The following MAGI2 variants were observed in gnomAD, a reference collection of about 807,000 sequenced individuals.
The protein encoded by MAGI2 is membrane associated guanylate kinase, WW and PDZ domain containing 2, also known as membrane-associated guanylate kinase, WW and PDZ domain-containing protein 2.
A neutral mutation model predicts 133.3 loss-of-function variants in MAGI2; 35 were observed. That is an observed-to-expected ratio of 0.26 (90% CI 0.20 to 0.35). The LOEUF is 0.35. Ranked by LOEUF, MAGI2 falls within the 10% of genes least tolerant of loss-of-function variation. The probability of loss-of-function intolerance (pLI) is 1.00; values close to 1 mark genes in which losing one functional copy is unlikely to be tolerated. For synonymous variants in MAGI2, 729 were observed against 710.6 expected, an observed-to-expected ratio of 1.03 and a Z score of -0.41; for missense variants, 1,636 against 1,863.4, an observed-to-expected ratio of 0.88 and a Z score of 2.25.
At chr7:79,203,753 C>T (rs779325707) in intron 1 of MAGI2, among the ~76,000 whole-genome samples, 1 of 152,154 alleles carries the variant, frequency 6.6e-6, no homozygotes, top group Non-Finnish European at 1.5e-5. Context: ...GCCACCAACG[C>T]ACCAATGTAA....
At chr7:79,131,850 C>A (rs954050191) in intron 1 of MAGI2, among the ~76,000 whole-genome samples, 3 of 151,944 alleles carry the variant, frequency 2.0e-5, no homozygotes, top group Admixed American at 2.0e-4. Context: ...CAATGTTTCG[C>A]AAATTTGAAT....
At chr7:78,186,165 A>G (rs1193486644) in intron 12 of MAGI2, among the ~76,000 whole-genome samples, 1 of 152,188 alleles carries the variant, frequency 6.6e-6, no homozygotes, top group Non-Finnish European at 1.5e-5. Flanking sequence ...AGTTGAAATT[A>G]TGTATAAGTA....
intron 2 of MAGI2, among the ~76,000 whole-genome samples, chr7:78,773,434 A>C (rs1825744279): frequency 1.3e-5 from 2 of 152,236 alleles, no homozygotes; most frequent in Admixed American, 1.3e-4. Context: ...AAGTGCTGAC[A>C]GAGGGTAGAA....
At chr7:78,205,932 C>T (rs906358157) in intron 10 of MAGI2, among the ~76,000 whole-genome samples, 7 of 152,162 alleles carry the variant, frequency 4.6e-5, no homozygotes, top group African/African-American at 1.7e-4. Flanking sequence ...ACTGAGGGCA[C>T]CTCATGTGAT....
intron 2 of MAGI2, among the ~76,000 whole-genome samples, chr7:78,892,391 T>C (rs1055853194): frequency 2.6e-5 from 4 of 152,132 alleles, no homozygotes; most frequent in African/African-American, 7.2e-5. Context: ...TTAAAGTTCA[T>C]ATGGAACCAA....
At chr7:78,065,645 G>A (rs948655090) in intron 21 of MAGI2, 27 of 696,350 alleles carry the variant, frequency 3.9e-5, no homozygotes, top group Non-Finnish European at 7.0e-5. Context: ...CACATGGAGA[G>A]ACTGGAAGGT....
At chr7:78,831,713 C>G (rs1238597516) in intron 2 of MAGI2, among the ~76,000 whole-genome samples, 2 of 152,190 alleles carry the variant, frequency 1.3e-5, no homozygotes, top group Non-Finnish European at 2.9e-5. Context: ...TGTTTTAAAA[C>G]ATTCACTTCT....
At chr7:78,718,025 ATTTC>A (rs1312341298) in intron 2 of MAGI2, among the ~76,000 whole-genome samples, 1 of 151,954 alleles carries the variant, frequency 6.6e-6, no homozygotes, top group African/African-American at 2.4e-5. Context: ...TTTTTTCACT[ATTTC>A]TTTATTTAAC....
chr7:78,965,298 A>G (rs1803213330), intron 2 of MAGI2, among the ~76,000 whole-genome samples: 2 of 151,904 alleles, frequency 1.3e-5, no homozygotes, highest in Non-Finnish European at 2.9e-5. Flanking sequence ...CACAAAGACA[A>G]ACGATTAACT....
At chr7:79,236,937 C>G (rs1463931904) in intron 1 of MAGI2, among the ~76,000 whole-genome samples, 3 of 152,076 alleles carry the variant, frequency 2.0e-5, no homozygotes, top group Non-Finnish European at 4.4e-5. Flanking sequence ...CCCAGCTACT[C>G]AGGAGACTGA....
intron 1 of MAGI2, among the ~76,000 whole-genome samples, chr7:79,259,497 G>A (rs938646700): frequency 6.6e-6 from 1 of 152,150 alleles, no homozygotes; most frequent in Non-Finnish European, 1.5e-5. Flanking sequence ...TTGAGCCAAA[G>A]TATGAAGAAA....
chr7:79,356,298 T>C (rs940491862), intron 1 of MAGI2, among the ~76,000 whole-genome samples: 1 of 151,688 alleles, frequency 6.6e-6, no homozygotes, highest in Non-Finnish European at 1.5e-5. Flanking sequence ...AAATTGCTAA[T>C]AAATAACATG....
At chr7:78,322,431 TA>T (rs1274199578) in intron 9 of MAGI2, among the ~76,000 whole-genome samples, 10 of 152,240 alleles carry the variant, frequency 6.6e-5, no homozygotes, top group Admixed American at 1.3e-4. Context: ...TATGCAGCCA[TA>T]AAAAAGGATA....
At chr7:78,517,893 TC>T (rs1289969812) in intron 4 of MAGI2, among the ~76,000 whole-genome samples, 1 of 152,100 alleles carries the variant, frequency 6.6e-6, no homozygotes, top group Non-Finnish European at 1.5e-5. Context: ...TAGCAGAACT[TC>T]CTGGAGAACT....
intron 2 of MAGI2, among the ~76,000 whole-genome samples, chr7:78,737,389 AGT>A (rs1821965309): frequency 6.6e-6 from 1 of 152,228 alleles, no homozygotes; most frequent in South Asian, 2.1e-4. Context: ...AATTTAACTG[AGT>A]ACAAAAAATA....
chr7:78,110,564 T>C (rs1325836697), intron 20 of MAGI2, among the ~76,000 whole-genome samples: 2 of 152,210 alleles, frequency 1.3e-5, no homozygotes, highest in African/African-American at 4.8e-5. Flanking sequence ...GCCTTGGGAA[T>C]TGTGCTGTTT....
At chr7:78,497,240 A>G (rs1216806946) in intron 5 of MAGI2, among the ~76,000 whole-genome samples, 1 of 152,222 alleles carries the variant, frequency 6.6e-6, no homozygotes, top group Non-Finnish European at 1.5e-5. Flanking sequence ...ATTATGAAAC[A>G]TAAGACATTA....
At chr7:78,187,800 T>C (rs1462194566) in intron 12 of MAGI2, among the ~76,000 whole-genome samples, 1 of 152,196 alleles carries the variant, frequency 6.6e-6, no homozygotes, top group Non-Finnish European at 1.5e-5. Context: ...GGTATAAAAC[T>C]GACATTTTAT....
At chr7:78,833,394 G>GC (rs1791357814) in intron 2 of MAGI2, among the ~76,000 whole-genome samples, 1 of 152,084 alleles carries the variant, frequency 6.6e-6, no homozygotes, top group African/African-American at 2.4e-5. Context: ...TGCATTGGAG[G>GC]CATCAAGGGA....
Sources: allele counts gnomAD v4.1 joint callset (sites outside exome capture counted in the v4.1 genomes callset), GRCh38; gene constraint gnomAD v4.1.1; transcripts MANE v1.5; gene names NCBI Gene and HGNC (gene_info 2026-07-23, HGNC 2026-07-21).